Variants in CENPF observed in about 807,000 individuals in gnomAD.
The protein encoded by CENPF is centromere protein F, also known as AH antigen.
CENPF carries 214 observed loss-of-function variants against 307.3 expected under a neutral mutation model. The observed-to-expected ratio is 0.70, with a 90% CI of 0.62 to 0.78. The LOEUF is 0.78. CENPF is among the 30% of genes least tolerant of loss of function. The pLI, the probability that CENPF is intolerant of heterozygous loss-of-function variation, is 0.00. For missense variants in CENPF, 3,401 were observed against 3,483.9 expected, an observed-to-expected ratio of 0.98 and a Z score of 0.60; for synonymous variants, 1,259 against 1,270.6, an observed-to-expected ratio of 0.99 and a Z score of 0.19.
At chr1:214,656,376 A>G (rs1658631155) in intron 17 of CENPF, among the ~76,000 whole-genome samples, 1 of 152,244 alleles carries the variant, frequency 6.6e-6, no homozygotes, top group African/African-American at 2.4e-5. Flanking sequence ...TGGATTTAAT[A>G]CACCCATGGC....
At chr1:214,612,030 A>G (rs888192578) in intron 1 of CENPF, among the ~76,000 whole-genome samples, 1 of 152,126 alleles carries the variant, frequency 6.6e-6, no homozygotes, top group Non-Finnish European at 1.5e-5. Context: ...GAATAGGAGT[A>G]GTGGAAGAGG....
rs760894731 is a variant in CENPF at position 214,613,817 on chromosome 1, A to G, written c.63A>G (p.Gln21=). ...CTACAAGAGCTCTTCAGAAAATTCAAGAGCTTGAAGGACAGCTTGACAAAC... is the reference window on the plus strand; with the variant it reads ...CTACAAGAGCTCTTCAGAAAATTCAGGAGCTTGAAGGACAGCTTGACAAAC... ...GLPTRALQKI[Q]ELEGQLDKLK... The change falls in exon 2 of 20, where the codon CAA becomes CAG. Residue 21 remains glutamine (Q), a synonymous_variant. Transcript: ENST00000366955. 7.4e-6 allele frequency: 12 copies of G among 1,613,780 alleles called. No individual in the cohort carries two copies. The highest frequency in any genetic ancestry group is 1.6e-4 in the Middle Eastern group (1 of 6,080).
chr1:214,631,385 GGTAT>G (rs1657803996), intron 9 of CENPF, among the ~76,000 whole-genome samples: 1 of 151,920 alleles, frequency 6.6e-6, no homozygotes, highest in African/African-American at 2.4e-5. Flanking sequence ...TCACGGGGCA[GGTAT>G]CTTTGTGTAT....
intron 1 of CENPF, 170 bp from the exon 2 acceptor site, chr1:214,613,544 T>G: frequency 2.3e-6 from 1 of 434,276 alleles, no homozygotes; most frequent in Admixed American, 4.2e-5. Flanking sequence ...CAGAATCAAT[T>G]ATTGGTTGCC....
At chr1:214,628,450 T>A (rs1453674991) in intron 7 of CENPF, among the ~76,000 whole-genome samples, 1 of 152,176 alleles carries the variant, frequency 6.6e-6, no homozygotes, top group African/African-American at 2.4e-5. Flanking sequence ...TGTTTTGTTT[T>A]GTTTTGTTTT....
chr1:214,617,885 A>G (rs970277754), intron 3 of CENPF, among the ~76,000 whole-genome samples: 3 of 151,878 alleles, frequency 2.0e-5, no homozygotes, highest in African/African-American at 4.8e-5. Context: ...CAATCCTCCA[A>G]CTCTTCTTTG....
At chr1:214,648,619 G>T in intron 13 of CENPF, 56 bp from the exon 14 acceptor site, 1 of 1,573,692 alleles carries the variant, frequency 6.4e-7, no homozygotes. Context: ...CAGAGTGGTC[G>T]ATCTGATCAA....
In CENPF at chr1:214,632,603, G is replaced by C; in HGVS notation, c.1446+1G>C. On this transcript the variant is annotated splice_donor_variant, in intron 10 of 19. Coordinates refer to ENST00000366955, the MANE Select transcript of CENPF (RefSeq NM_016343.4). LOFTEE classifies it high-confidence loss of function. ...GAATGAGCTGAGGAGAAGCATGGAG[G>C]TAAGGGAGGAGGATGCCGAATTTTC... is the stretch of plus-strand genomic sequence containing the variant. The C allele has an allele frequency of 1.2e-6, 2 of 1,613,360 alleles. No individual in the cohort carries two copies. Among genetic ancestry groups the C allele is most frequent in the Non-Finnish European group, 1.7e-6 (2 of 1,179,760 alleles).
At chr1:214,649,317 T>C (rs1658400260) in intron 14 of CENPF, among the ~76,000 whole-genome samples, 1 of 152,208 alleles carries the variant, frequency 6.6e-6, no homozygotes, top group South Asian at 2.1e-4. Context: ...ATTTCCATAG[T>C]AGATATTACT....
At chr1:214,603,384 TG>T in intron 1 of CENPF, 63 bp downstream of exon 1, 1 of 152,674 alleles carries the variant, frequency 6.5e-6, no homozygotes, top group Non-Finnish European at 1.5e-5. Flanking sequence ...GCGGGCGGCG[TG>T]GGGGTGCCGC....
chr1:214,629,286 A>G, intron 8 of CENPF, 115 bp downstream of exon 8: 1 of 1,034,002 alleles, frequency 9.7e-7, no homozygotes, highest in Non-Finnish European at 1.4e-6. Flanking sequence ...CTCTTAGAGG[A>G]GAAATGCTTT....
intron 7 of CENPF, among the ~76,000 whole-genome samples, chr1:214,627,320 A>G (rs553424825): frequency 1.3e-5 from 2 of 150,824 alleles, no homozygotes; most frequent in East Asian, 3.9e-4. Context: ...CAGTCTCCCA[A>G]AGTGCTGGGA....
At chr1:214,603,853 A>T (rs1430799204) in intron 1 of CENPF, among the ~76,000 whole-genome samples, 1 of 150,770 alleles carries the variant, frequency 6.6e-6, no homozygotes, top group Non-Finnish European at 1.5e-5. Flanking sequence ...AAATAGAGAT[A>T]GGCCTCCCTA....
In CENPF at chr1:214,655,392, A is replaced by C; in HGVS notation, c.8474A>C (p.Lys2825Thr). Residue 2825 changes from lysine (K) to threonine (T), a missense_variant, in exon 17 of 20, where the codon AAG becomes ACG. Lys to Thr is a moderately conservative substitution (Grantham distance 78). Coordinates refer to ENST00000366955, the MANE Select transcript of CENPF (RefSeq NM_016343.4). The stretch of plus-strand genomic sequence containing the variant: ...TCTCAACTTCAAGCTGCACAGGAGA[A>C]GCAGAAAACAGGTGGGTGTTAACTG... ...ELSQLQAAQE[K>T]QKTGTVMDTK... 1 of 1,592,128 alleles carries C rather than the reference A, an allele frequency of 6.3e-7. No homozygotes were observed. Among genetic ancestry groups the C allele is most frequent in the African/African-American group, 1.4e-5 (1 of 73,914 alleles).
At chr1:214,605,466 A>T in intron 1 of CENPF, 2 of 525,468 alleles carry the variant, frequency 3.8e-6, no homozygotes, top group Non-Finnish European at 6.7e-6. Context: ...TAAATTTTAA[A>T]TCTTTAATTT....
chr1:214,629,356 T>C (rs1657743154), intron 8 of CENPF, among the ~76,000 whole-genome samples, 185 bp downstream of exon 8: 1 of 152,186 alleles, frequency 6.6e-6, no homozygotes, highest in African/African-American at 2.4e-5. Context: ...TTTTTAAATC[T>C]TTCAGTTTTT....
At chr1:214,614,639 A>G (rs1335416201) in intron 2 of CENPF, among the ~76,000 whole-genome samples, 193 bp from the exon 3 acceptor site, 1 of 152,210 alleles carries the variant, frequency 6.6e-6, no homozygotes, top group African/African-American at 2.4e-5. Context: ...CAAAGATGAT[A>G]TACTACATGG....
At chr1:214,649,873 T>A (rs1459853649) in intron 14 of CENPF, among the ~76,000 whole-genome samples, 2 of 152,356 alleles carry the variant, frequency 1.3e-5, no homozygotes, top group East Asian at 3.9e-4. Flanking sequence ...GCATTGGCTT[T>A]ATTCATTCAT....
At chr1:214,628,437 T>C (rs940718030) in intron 7 of CENPF, among the ~76,000 whole-genome samples, 4 of 152,008 alleles carry the variant, frequency 2.6e-5, no homozygotes, top group African/African-American at 9.7e-5. Context: ...AGCAGTGACT[T>C]TTTGTTTTGT....
Sources: allele counts gnomAD v4.1 joint callset (sites outside exome capture counted in the v4.1 genomes callset), GRCh38; gene constraint gnomAD v4.1.1; transcripts MANE v1.5; gene names NCBI Gene and HGNC (gene_info 2026-07-23, HGNC 2026-07-21).